Variants in PON1 observed in about 807,000 individuals in gnomAD.
The protein encoded by PON1 is paraoxonase 1.
In PON1, 37 loss-of-function variants were observed where a neutral mutation model predicts 39.2. That is an observed-to-expected ratio of 0.94 (90% CI 0.73 to 1.24). PON1 has a LOEUF of 1.24. Ranked by LOEUF, PON1 falls within the 50% of genes most tolerant of loss-of-function variation. PON1 has a pLI of 0.00. For missense variants in PON1, 397 were observed against 413.5 expected, an observed-to-expected ratio of 0.96 and a Z score of 0.35; for synonymous variants, 148 against 152.2, an observed-to-expected ratio of 0.97 and a Z score of 0.21.
intron 4 of PON1, among the ~76,000 whole-genome samples, chr7:95,313,677 G>GA (rs1807705389): frequency 6.6e-6 from 1 of 150,676 alleles, no homozygotes; most frequent in African/African-American, 2.5e-5. Flanking sequence ...GGAAGAGAAG[G>GA]AAAGATAAAA....
At chr7:95,313,656 G>GTC (rs1554607007) in intron 4 of PON1, among the ~76,000 whole-genome samples, 7 of 142,180 alleles carry the variant, frequency 4.9e-5, no homozygotes, top group Admixed American at 2.2e-4. Context: ...GTGTGTGTGT[G>GTC]TCTCACATGG....
At chr7:95,319,660 G>A (rs1807853134) in intron 1 of PON1, among the ~76,000 whole-genome samples, 1 of 152,146 alleles carries the variant, frequency 6.6e-6, no homozygotes, top group Non-Finnish European at 1.5e-5. Context: ...GTTGGAATCT[G>A]TCCCATAACC....
chr7:95,298,718 A>G lies in PON1; in HGVS notation c.*226T>C. ...ATCCATTTTAGTGAGAAGGATTTTT[A>G]TGGTAAATGAGGTTTTCAAGTATTC... On this transcript the variant is annotated 3_prime_UTR_variant, in exon 9 of 9. Transcript: ENST00000222381. 3.4e-6 allele frequency: 2 copies of G among 593,916 alleles called. No individual in the cohort carries two copies. Among genetic ancestry groups the G allele is most frequent in the East Asian group, 5.8e-5 (2 of 34,656 alleles). 36.8% of individuals were successfully genotyped at this position (593,916 alleles called of 1,614,324 possible).
At position 95,324,498 on chromosome 7, in the gene PON1, C is replaced by G. The variant is rs771036818; in HGVS notation, c.-23G>C. The G allele has an allele frequency of 1.2e-6, 2 of 1,610,888 alleles. No individual in the cohort carries two copies. The highest frequency in any genetic ancestry group is 2.7e-5 in the African/African-American group (2 of 74,990). ...CATGGTCGGGGATAGACAAAGGGAT[C>G]GATGGGCGCAGACACCGACGGGCTA... On this transcript the variant is annotated 5_prime_UTR_variant, in exon 1 of 9. Coordinates refer to ENST00000222381, the MANE Select transcript of PON1 (RefSeq NM_000446.7).
At chr7:95,315,196 C>T in intron 4 of PON1, 126 bp downstream of exon 4, 1 of 887,920 alleles carries the variant, frequency 1.1e-6, no homozygotes, top group Non-Finnish European at 1.7e-6. Flanking sequence ...GTTTAAAACC[C>T]AGAGTAAGAA....
At chr7:95,302,549 G>A in intron 7 of PON1, 2 of 546,230 alleles carry the variant, frequency 3.7e-6, no homozygotes, top group East Asian at 3.2e-5. Context: ...AATTGGGTAG[G>A]GTGAAGATAC....
chr7:95,317,933 TGTG>T (rs2116322984), intron 2 of PON1, among the ~76,000 whole-genome samples: 1 of 152,296 alleles, frequency 6.6e-6, no homozygotes, highest in Non-Finnish European at 1.5e-5. Context: ...GGAGAAGCCT[TGTG>T]GTAATTGCAA....
chr7:95,319,116 G>A (rs968926795), intron 1 of PON1, among the ~76,000 whole-genome samples: 2 of 138,702 alleles, frequency 1.4e-5, no homozygotes, highest in East Asian at 2.4e-4. Flanking sequence ...ACAACCAAGA[G>A]ATTTAAACAA....
At chr7:95,299,719 C>T (rs1179392356) in intron 8 of PON1, among the ~76,000 whole-genome samples, 3 of 152,162 alleles carry the variant, frequency 2.0e-5, no homozygotes, top group Non-Finnish European at 4.4e-5. Context: ...AGTTTTGAGA[C>T]TCAGACTGGC....
At chr7:95,304,156 T>G (rs1022362644) in intron 7 of PON1, among the ~76,000 whole-genome samples, 12 of 152,212 alleles carry the variant, frequency 7.9e-5, no homozygotes, top group Non-Finnish European at 1.5e-5. Flanking sequence ...CTCCCCCAAG[T>G]TCCTAGCAAT....
intron 5 of PON1, among the ~76,000 whole-genome samples, chr7:95,310,874 G>T (rs1361268382): frequency 2.0e-5 from 3 of 152,232 alleles, no homozygotes; most frequent in Admixed American, 1.3e-4. Context: ...ATGTGAGGAA[G>T]TTGACTGAGA....
At chr7:95,311,718 G>T (rs2116314559) in intron 4 of PON1, 141 bp from the exon 5 acceptor site, 2 of 925,832 alleles carry the variant, frequency 2.2e-6, no homozygotes, top group Non-Finnish European at 3.3e-6. Context: ...TTTGTAGAGA[G>T]AAGCATTGGT....
Position 95,318,691 on chromosome 7 carries a change from C to T in PON1, c.75-298G>A, listed in dbSNP as rs142017866. On this transcript the variant is annotated intron_variant, in intron 1 of 8. Coordinates refer to ENST00000222381, the MANE Select transcript of PON1 (RefSeq NM_000446.7). ...GAGCAATTTCATCAGTGTGTAAGGA[C>T]TCCTAGGTGGAAAGTCCGGGTAAAT... is the stretch of plus-strand genomic sequence containing the variant. The T allele has an allele frequency of 1.4e-3, 461 of 330,626 alleles. 2 individuals carry two copies. Among genetic ancestry groups the T allele is most frequent in the African/African-American group, 9.1e-3 (432 of 47,258 alleles). The allele number at this position is 330,626 out of a possible 1,614,324, so 20.5% of individuals were successfully genotyped here.
intron 6 of PON1, among the ~76,000 whole-genome samples, chr7:95,307,716 C>T (rs1368386839): frequency 6.6e-6 from 1 of 152,172 alleles, no homozygotes; most frequent in Non-Finnish European, 1.5e-5. Context: ...TCATTATACA[C>T]TCACATCTTT....
chr7:95,308,984 T>C (rs1402101687), intron 5 of PON1, among the ~76,000 whole-genome samples: 1 of 152,138 alleles, frequency 6.6e-6, no homozygotes, highest in African/African-American at 2.4e-5. Flanking sequence ...TCTTTGCTGA[T>C]TGAGGTGATG....
chr7:95,309,128 T>C (rs1352091346), intron 5 of PON1, among the ~76,000 whole-genome samples: 1 of 152,164 alleles, frequency 6.6e-6, no homozygotes, highest in Non-Finnish European at 1.5e-5. Context: ...CTCAGTTTTC[T>C]CATCTGTAAA....
At chr7:95,321,122 G>A (rs974683254) in intron 1 of PON1, among the ~76,000 whole-genome samples, 5 of 152,030 alleles carry the variant, frequency 3.3e-5, no homozygotes, top group Admixed American at 6.6e-5. Flanking sequence ...GAGGGGAGAG[G>A]TACCAGGCTC....
rs1807344341 is a variant in PON1 at position 95,298,656 on chromosome 7, CTG to C, written c.*286_*287del. 1 of 470,062 alleles carries C rather than the reference CTG, an allele frequency of 2.1e-6. No individual in the cohort carries two copies. Among genetic ancestry groups the C allele is most frequent in the Non-Finnish European group, 3.9e-6 (1 of 255,930 alleles). The allele number at this position is 470,062 out of a possible 1,614,324, so 29.1% of individuals were successfully genotyped here. ...GGGTAAGTACTTTTGGGGTCACACACTGTTATTTAATATCTGACAATTGACAT... is the reference window on the plus strand; with the variant it reads ...GGGTAAGTACTTTTGGGGTCACACACTTATTTAATATCTGACAATTGACAT... On this transcript the variant is annotated 3_prime_UTR_variant, in exon 9 of 9. Transcript: ENST00000222381.
intron 5 of PON1, among the ~76,000 whole-genome samples, 196 bp downstream of exon 5, chr7:95,311,253 CAA>C (rs774772304): frequency 2.4e-4 from 36 of 152,070 alleles, no homozygotes; most frequent in Non-Finnish European, 3.4e-4. Context: ...GCTCGAGAAA[CAA>C]GAGAGGAAAA....
Sources: allele counts gnomAD v4.1 joint callset (sites outside exome capture counted in the v4.1 genomes callset), GRCh38; gene constraint gnomAD v4.1.1; transcripts MANE v1.5; gene names NCBI Gene and HGNC (gene_info 2026-07-23, HGNC 2026-07-21).